Variants in CWF19L2 observed in about 807,000 individuals in gnomAD.
CWF19L2 encodes CWF19-like protein 2.
In CWF19L2, 98 loss-of-function variants were observed where a neutral mutation model predicts 111.7. The ratio of observed to expected loss-of-function variants is 0.88; its 90% CI spans 0.75 to 1.04. The LOEUF (loss-of-function observed/expected upper bound fraction) is 1.04, where lower values mean the gene tolerates loss of function less well. CWF19L2 is among the 50% of genes least tolerant of loss of function. The pLI, the probability that CWF19L2 is intolerant of heterozygous loss-of-function variation, is 0.00. For missense variants in CWF19L2, 1,101 were observed against 1,051.4 expected (o/e 1.05, Z -0.65); for synonymous variants, 351 against 342.9 (o/e 1.02, Z -0.26).
At chr11:107,379,242 G>T (rs956804071) in intron 12 of CWF19L2, among the ~76,000 whole-genome samples, 1 of 152,232 alleles carries the variant, frequency 6.6e-6, no homozygotes, top group Non-Finnish European at 1.5e-5. Flanking sequence ...TCCCAAGATT[G>T]TGTTCTCAAA....
intron 10 of CWF19L2, chr11:107,403,758 C>G: frequency 1.1e-6 from 1 of 909,492 alleles, no homozygotes; most frequent in Non-Finnish European, 1.8e-6. Flanking sequence ...GTCTGTTCCT[C>G]TGCCTGTGCA....
At chr11:107,342,832 T>C (rs1361663678) in intron 14 of CWF19L2, among the ~76,000 whole-genome samples, 1 of 152,110 alleles carries the variant, frequency 6.6e-6, no homozygotes, top group African/African-American at 2.4e-5. Context: ...AAAGTTTCCT[T>C]ATAAGAGGGA....
intron 13 of CWF19L2, among the ~76,000 whole-genome samples, chr11:107,352,599 AAAAT>A (rs1860173254): frequency 6.6e-6 from 1 of 152,196 alleles, no homozygotes; most frequent in African/African-American, 2.4e-5. Flanking sequence ...GGAACTTAGA[AAAAT>A]AAATATAATT....
chr11:107,422,382 C>A (rs1306066292), intron 8 of CWF19L2, among the ~76,000 whole-genome samples: 1 of 151,958 alleles, frequency 6.6e-6, no homozygotes, highest in East Asian at 1.9e-4. Flanking sequence ...CAAGGGACAA[C>A]TGTAGTCTAT....
rs1859950401 is a variant in CWF19L2 at position 107,337,829 on chromosome 11, C to G, written c.2203-1116G>C. Among the ~76,000 whole-genome samples the G allele has an allele frequency of 2.6e-5, 4 of 152,204 alleles. No individual in the cohort carries two copies. The South Asian group carries it at 8.3e-4, about 32-fold the overall frequency. On this transcript the variant is annotated intron_variant, in intron 14 of 17. Transcript: ENST00000282251. ...TTAGATTTGTCAGCTTGATTTATAACTTTTTAATATTTTATTTAAACATTT... is the reference window on the plus strand; with the variant it reads ...TTAGATTTGTCAGCTTGATTTATAAGTTTTTAATATTTTATTTAAACATTT...
At chr11:107,408,258 G>A (rs1286416126) in intron 10 of CWF19L2, among the ~76,000 whole-genome samples, 44 of 151,934 alleles carry the variant, frequency 2.9e-4, no homozygotes, top group Admixed American at 2.8e-3. Context: ...AGTATATGAT[G>A]TCTGAATTAA....
At chr11:107,400,143 G>A (rs1031467121) in intron 10 of CWF19L2, among the ~76,000 whole-genome samples, 3 of 151,478 alleles carry the variant, frequency 2.0e-5, no homozygotes, top group African/African-American at 7.3e-5. Context: ...ACATTCTAAG[G>A]TCACACCTCA....
At chr11:107,448,025 A>G (rs894693953) in intron 3 of CWF19L2, among the ~76,000 whole-genome samples, 4 of 152,134 alleles carry the variant, frequency 2.6e-5, no homozygotes, top group African/African-American at 9.7e-5. Flanking sequence ...CTGGATAGGG[A>G]TAACAGTAAG....
chr11:107,339,864 C>T (rs960365805), intron 14 of CWF19L2, among the ~76,000 whole-genome samples: 9 of 151,876 alleles, frequency 5.9e-5, no homozygotes, highest in African/African-American at 1.2e-4. Flanking sequence ...GTCAAGGTTT[C>T]GCCATGTTGG....
At position 107,390,178 on chromosome 11, in the gene CWF19L2, A is replaced by G. The variant is rs1304614301; in HGVS notation, c.1768T>C (p.Tyr590His). Residue 590 changes from tyrosine to histidine, a missense_variant, in exon 12 of 18, where the codon TAC (tyrosine) becomes CAC (histidine). Tyr to His is a moderately conservative substitution (Grantham distance 83). Coordinates refer to ENST00000282251, the MANE Select transcript of CWF19L2 (RefSeq NM_152434.3). Reference sequence around the variant, plus strand: ...CTTAGATTATCATCATCATGAAAGTATCTGACCCTTTCTCTTTCCTCATGG... The same window carrying G: ...CTTAGATTATCATCATCATGAAAGTGTCTGACCCTTTCTCTTTCCTCATGG... ...STHEERERVR[Y>H]FHDDDNLSLN... 6.2e-7 allele frequency: 1 copy of G among 1,610,864 alleles called. No individual in the cohort carries two copies. Among genetic ancestry groups the G allele is most frequent in the Admixed American group, 1.7e-5 (1 of 59,834 alleles).
At chr11:107,393,644 A>G (rs184722462) in intron 10 of CWF19L2, among the ~76,000 whole-genome samples, 2 of 152,346 alleles carry the variant, frequency 1.3e-5, no homozygotes, top group Admixed American at 1.3e-4. Context: ...TGAAGTGTCC[A>G]CTAATGGATG....
At chr11:107,376,493 A>T in intron 12 of CWF19L2, among the ~76,000 whole-genome samples, 1 of 85,790 alleles carries the variant, frequency 1.2e-5, no homozygotes, top group Non-Finnish European at 2.2e-5. Flanking sequence ...CCAGCATATA[A>T]ACAGAGCCAA....
chr11:107,350,322 G>A (rs1860139161), intron 13 of CWF19L2, among the ~76,000 whole-genome samples: 1 of 152,140 alleles, frequency 6.6e-6, no homozygotes, highest in African/African-American at 2.4e-5. Flanking sequence ...CAGATTGAAT[G>A]TCTGTGTGCC....
chr11:107,391,480 T>A (rs1232886792), intron 11 of CWF19L2, among the ~76,000 whole-genome samples: 2 of 152,236 alleles, frequency 1.3e-5, no homozygotes, highest in African/African-American at 4.8e-5. Context: ...ATCCAGTCTA[T>A]GTTACAGTAG....
chr11:107,399,097 C>A (rs1431217678), intron 10 of CWF19L2, among the ~76,000 whole-genome samples: 3 of 152,094 alleles, frequency 2.0e-5, no homozygotes, highest in African/African-American at 7.2e-5. Flanking sequence ...AAAACAGAAC[C>A]TCTTTAAAGC....
At chr11:107,357,180 T>A (rs1388067293) in intron 12 of CWF19L2, among the ~76,000 whole-genome samples, 2 of 152,120 alleles carry the variant, frequency 1.3e-5, no homozygotes, top group African/African-American at 4.8e-5. Flanking sequence ...AAAACTGCAG[T>A]GTCTGGCATA....
chr11:107,439,060 T>C (rs765722237), intron 6 of CWF19L2, 30 bp downstream of exon 6: 2 of 471,042 alleles, frequency 4.2e-6, no homozygotes, highest in South Asian at 5.4e-5. Flanking sequence ...AAAAAAACCC[T>C]GTGTGTCTAT....
At chr11:107,349,798 A>G (rs1163914056) in intron 13 of CWF19L2, among the ~76,000 whole-genome samples, 1 of 152,198 alleles carries the variant, frequency 6.6e-6, no homozygotes, top group East Asian at 1.9e-4. Flanking sequence ...GACAAACAAC[A>G]AAGTAGGAGT....
intron 12 of CWF19L2, among the ~76,000 whole-genome samples, chr11:107,373,410 G>T (rs924174730): frequency 7.4e-6 from 1 of 135,656 alleles, no homozygotes; most frequent in African/African-American, 3.0e-5. Flanking sequence ...CTCCCAGCAC[G>T]CAGCTGAAGA....
Sources: allele counts gnomAD v4.1 joint callset (sites outside exome capture counted in the v4.1 genomes callset), GRCh38; gene constraint gnomAD v4.1.1; transcripts MANE v1.5; gene names NCBI Gene and HGNC (gene_info 2026-07-23, HGNC 2026-07-21).